IQGAP1: variants seen among roughly 807,000 people sequenced by gnomAD.
IQGAP1 encodes ras GTPase-activating-like protein IQGAP1.
IQGAP1 carries 66 observed loss-of-function variants against 215.6 expected under a neutral mutation model. That is an observed-to-expected ratio of 0.31 (90% confidence interval 0.25 to 0.38). The LOEUF (loss-of-function observed/expected upper bound fraction) is 0.38. IQGAP1 is among the 10% of genes least tolerant of loss of function. IQGAP1 has a pLI of 1.00. For synonymous variants in IQGAP1, 772 were observed against 728.7 expected (o/e 1.06, Z -0.96); for missense variants, 1,712 against 1,997.1 (o/e 0.86, Z 2.72).
chr15:90,453,409 G>A, intron 13 of IQGAP1, 117 bp downstream of exon 13: 1 of 763,406 alleles, frequency 1.3e-6, no homozygotes, highest in Non-Finnish European at 2.0e-6. Context: ...TCATACTTTT[G>A]TTTGGTTCTA....
chr15:90,495,709 C>T (rs1966263075), intron 36 of IQGAP1, among the ~76,000 whole-genome samples: 1 of 148,106 alleles, frequency 6.8e-6, no homozygotes, highest in South Asian at 2.1e-4. Context: ...GCGATCTCAG[C>T]TCACTGCAGC....
intron 3 of IQGAP1, 38 bp downstream of exon 3, chr15:90,426,304 A>C: frequency 6.4e-7 from 1 of 1,570,964 alleles, no homozygotes; most frequent in Non-Finnish European, 8.6e-7. Context: ...ATTTCTGTCA[A>C]CTTGAGAAAG....
At chr15:90,418,344 T>C (rs1263070762) in intron 2 of IQGAP1, among the ~76,000 whole-genome samples, 1 of 152,178 alleles carries the variant, frequency 6.6e-6, no homozygotes, top group Admixed American at 6.5e-5. Context: ...CCTTGCACTT[T>C]GGGAGGCTGA....
At chr15:90,475,397 A>T (rs78593480) in intron 23 of IQGAP1, among the ~76,000 whole-genome samples, 28,555 of 151,796 alleles carry the variant, frequency 0.19, 2,779 homozygotes, top group South Asian at 0.23. Flanking sequence ...TTGGCTTCCC[A>T]AAGTGCTGGG....
chr15:90,451,102 T>G lies in IQGAP1; in HGVS notation c.1162+1459T>G, dbSNP rs1321629069. On this transcript the variant is annotated intron_variant, in intron 11 of 37. Transcript: ENST00000268182. Reference sequence around the variant, plus strand: ...TCCAGTCGCTTCATAGTTTCAGGTCTTAGATTTAAGTCTTTAATCTATTTT... The same window carrying G: ...TCCAGTCGCTTCATAGTTTCAGGTCGTAGATTTAAGTCTTTAATCTATTTT... Among the ~76,000 whole-genome samples, 3 of 152,238 alleles carry G rather than the reference T, an allele frequency of 2.0e-5. No homozygotes were observed. In the East Asian group the frequency reaches 5.8e-4, roughly 29 times the overall value.
intron 2 of IQGAP1, among the ~76,000 whole-genome samples, chr15:90,397,068 G>A (rs926518811): frequency 2.0e-5 from 3 of 152,088 alleles, no homozygotes; most frequent in African/African-American, 7.2e-5. Context: ...GGCCAGGCTG[G>A]TCTCCAACTC....
chr15:90,481,441 A>G (rs1439271771), intron 26 of IQGAP1, among the ~76,000 whole-genome samples: 1 of 151,900 alleles, frequency 6.6e-6, no homozygotes, highest in Non-Finnish European at 1.5e-5. Flanking sequence ...TGTCAGTATC[A>G]TATACGGGGT....
At chr15:90,458,300 C>T (rs1965714935) in intron 15 of IQGAP1, among the ~76,000 whole-genome samples, 1 of 152,144 alleles carries the variant, frequency 6.6e-6, no homozygotes, top group Non-Finnish European at 1.5e-5. Context: ...CACTTTACCA[C>T]ATTTTATTTA....
At chr15:90,389,281 A>C (rs1055230025) in intron 1 of IQGAP1, among the ~76,000 whole-genome samples, 5 of 152,004 alleles carry the variant, frequency 3.3e-5, no homozygotes, top group African/African-American at 1.2e-4. Context: ...TACTAGCCAT[A>C]CAGAGTAATG....
At chr15:90,415,583 G>A (rs1965034025) in intron 2 of IQGAP1, among the ~76,000 whole-genome samples, 1 of 152,014 alleles carries the variant, frequency 6.6e-6, no homozygotes, top group Non-Finnish European at 1.5e-5. Context: ...GTGAGGTCTG[G>A]AGCTAACTGC....
chr15:90,484,131 C>T, intron 29 of IQGAP1, 89 bp from the exon 30 acceptor site: 1 of 1,169,378 alleles, frequency 8.6e-7, no homozygotes, highest in South Asian at 1.4e-5. Flanking sequence ...TCTGTTTGCA[C>T]TCATTGTGTG....
rs537746102 is a variant in IQGAP1 at position 90,395,785 on chromosome 15, A to G, written c.155+4912A>G. On this transcript the variant is annotated intron_variant, in intron 2 of 37. Coordinates refer to ENST00000268182, the MANE Select transcript of IQGAP1 (RefSeq NM_003870.4). ...GAACCAAGAAGAGAACGTGTCAGGC[A>G]GGACAGAACAGGGAATTCTGCAAGT... 5.9e-5 allele frequency among the ~76,000 whole-genome samples: 9 copies of G among 152,352 alleles called. No individual in the cohort carries two copies. In the South Asian group the frequency reaches 1.2e-3, roughly 21 times the overall value.
In IQGAP1 at chr15:90,491,546, G is replaced by T; in HGVS notation, c.4461+1G>T. 6.2e-7 allele frequency: 1 copy of T among 1,613,328 alleles called. No individual in the cohort carries two copies. The highest frequency in any genetic ancestry group is 8.5e-7 in the Non-Finnish European group (1 of 1,179,364). ...GGAACTGATCAACGACATTGCCAGG[G>T]TACTGCATTCGGGGGACAGAGGGGA... On this transcript the variant is annotated splice_donor_variant, in intron 34 of 37. Transcript: ENST00000268182. LOFTEE classifies it high-confidence loss of function.
chr15:90,443,751 A>C (rs900597891), intron 9 of IQGAP1, among the ~76,000 whole-genome samples: 15 of 152,250 alleles, frequency 9.9e-5, no homozygotes, highest in African/African-American at 3.4e-4. Flanking sequence ...ATGCTTTTAA[A>C]TATTATTTTC....
At chr15:90,395,541 T>C (rs377441570) in intron 2 of IQGAP1, among the ~76,000 whole-genome samples, 295 of 152,230 alleles carry the variant, frequency 1.9e-3, no homozygotes, top group African/African-American at 2.8e-3. Context: ...AGGATAGTCT[T>C]GATCTCCTGA....
At chr15:90,482,340 G>A in intron 28 of IQGAP1, 59 bp downstream of exon 28, 1 of 1,511,422 alleles carries the variant, frequency 6.6e-7, no homozygotes, top group Non-Finnish European at 9.2e-7. Flanking sequence ...TAAAACCAGG[G>A]CTGACCATAG....
chr15:90,418,214 C>CTT lies in IQGAP1; in HGVS notation c.156-7886_156-7885dup, dbSNP rs572569817. On this transcript the variant is annotated intron_variant, in intron 2 of 37. Transcript: ENST00000268182. The stretch of plus-strand genomic sequence containing the variant: ...AATACGTGGGTGTCAGAATAGACAC[C>CTT]TTTTTTTTTTTGAGGAATTGACTTA... Among the ~76,000 whole-genome samples, 126 of 143,774 alleles carry CTT rather than the reference C, an allele frequency of 8.8e-4. No homozygotes were observed. In the South Asian group the frequency reaches 0.026, roughly 30 times the overall value. 94.3% of individuals were successfully genotyped at this position (143,774 alleles called of 152,430 possible). A position where few individuals can be genotyped will look rare whatever the true frequency, so the allele number is the denominator to read the frequency against.
rs1176843929 is a variant in IQGAP1, at chr15:90,467,468, G to T, written c.2054G>T (p.Trp685Leu). Reference protein sequence around the residue: ...KLAVGDNNSKWVKHWVKGGYY... With the variant: ...KLAVGDNNSKLVKHWVKGGYY... Reference sequence around the variant, plus strand: ...CTGCCAGGAGATAATAACAGCAAGTGGGTGAAGCACTGGGTAAAAGGTGGA... The same window carrying T: ...CTGCCAGGAGATAATAACAGCAAGTTGGTGAAGCACTGGGTAAAAGGTGGA... The change falls in exon 18 of 38, where the codon TGG (tryptophan) becomes TTG (leucine). Residue 685 changes from tryptophan to leucine, a missense_variant. By Grantham distance (61) the Trp-to-Leu change is moderately conservative. Around this residue, in one of 2 missense-constraint regions of IQGAP1, gnomAD observed 1,021 missense variants for 1,074.2 expected, o/e 0.95. Coordinates refer to ENST00000268182, the MANE Select transcript of IQGAP1 (RefSeq NM_003870.4). The T allele has an allele frequency of 6.2e-7, 1 of 1,610,822 alleles. No homozygotes were observed. The highest frequency in any genetic ancestry group is 1.3e-5 in the African/African-American group (1 of 74,544).
In IQGAP1 at chr15:90,487,099, A is replaced by G. The variant is rs774884535; in HGVS notation, c.4160+10A>G. ...GAACCATCTTACTGAAGTGAGTATC[A>G]AAAGAAGGAAGAATGAAATGAATGT... On this transcript the variant is annotated intron_variant, in intron 32 of 37. Coordinates refer to ENST00000268182, the MANE Select transcript of IQGAP1 (RefSeq NM_003870.4). The G allele has an allele frequency of 1.2e-6, 2 of 1,613,704 alleles. No homozygotes were observed. The highest frequency in any genetic ancestry group is 3.3e-5 in the Admixed American group (2 of 59,964).
Sources: allele counts gnomAD v4.1 joint callset (sites outside exome capture counted in the v4.1 genomes callset), GRCh38; gene constraint gnomAD v4.1.1; regional missense constraint gnomAD v4.1.1; transcripts MANE v1.5; gene names NCBI Gene and HGNC (gene_info 2026-07-23, HGNC 2026-07-21).